CDC73: variants seen among roughly 807,000 people sequenced by gnomAD.
The protein encoded by CDC73 is cell division cycle 73, also known as parafibromin.
A neutral mutation model predicts 83.7 loss-of-function variants in CDC73; 21 were observed. The ratio of observed to expected loss-of-function variants is 0.25; its 90% CI spans 0.18 to 0.36. The LOEUF is 0.36. Among genes scored for constraint, CDC73 ranks in the 10% least tolerant of loss-of-function variants. The pLI is 1.00. For missense variants in CDC73, 342 were observed against 653.3 expected (o/e 0.52, Z 5.19); for synonymous variants, 224 against 212.9 (o/e 1.05, Z -0.45).
At chr1:193,221,127 C>G (rs1397134784) in intron 13 of CDC73, among the ~76,000 whole-genome samples, 1 of 151,706 alleles carries the variant, frequency 6.6e-6, no homozygotes, top group East Asian at 1.9e-4. Flanking sequence ...CAGTGTTAGC[C>G]AAATAATGAG....
In CDC73 at chr1:193,150,291, A is replaced by C. The variant is rs760909144; in HGVS notation, c.829-13A>C. The C allele has an allele frequency of 5.1e-6, 8 of 1,570,060 alleles. No homozygotes were observed. Among genetic ancestry groups the C allele is most frequent in the Admixed American group, 1.7e-5 (1 of 59,950 alleles). ...AAATATTAACAAGTAACTCATAATT[A>C]ATTTTTTTACAGGATCCCACTTTGC... On this transcript the variant is annotated splice_polypyrimidine_tract_variant and intron_variant, in intron 8 of 16. Transcript: ENST00000367435.
chr1:193,240,074 A>T (rs1278393952), intron 15 of CDC73, among the ~76,000 whole-genome samples: 1 of 152,082 alleles, frequency 6.6e-6, no homozygotes, highest in Non-Finnish European at 1.5e-5. Flanking sequence ...CATGAGATCA[A>T]CTTTTAACGT....
At chr1:193,219,378 A>G (rs551868908) in intron 13 of CDC73, among the ~76,000 whole-genome samples, 34 of 152,332 alleles carry the variant, frequency 2.2e-4, no homozygotes, top group African/African-American at 7.7e-4. Flanking sequence ...TGACCCAGCA[A>G]TCTGATTACT....
chr1:193,241,465 A>G (rs1023707917), intron 15 of CDC73, among the ~76,000 whole-genome samples: 1 of 152,220 alleles, frequency 6.6e-6, no homozygotes, highest in Admixed American at 6.5e-5. Flanking sequence ...AAGTCCAGAC[A>G]TCATCTTGGG....
rs535201389 is a variant in CDC73, at chr1:193,150,393, T to C, written c.907+11T>C. ...TCAAAGGAAAAGAAGGCAAGTTGCT[T>C]AATTCTTATCTTCCCCTTAGTGTGG... On this transcript the variant is annotated intron_variant, in intron 9 of 16. Transcript: ENST00000367435. 1.9e-6 allele frequency: 3 copies of C among 1,563,650 alleles called. No homozygotes were observed. In the African/African-American group the frequency reaches 4.1e-5, roughly 21 times the overall value.
intron 6 of CDC73, among the ~76,000 whole-genome samples, chr1:193,140,418 C>T (rs137984552): frequency 6.6e-6 from 1 of 152,248 alleles, no homozygotes; most frequent in Non-Finnish European, 1.5e-5. Context: ...GGATATGTTC[C>T]AAGACCTCCA....
rs1202715444 is a variant in CDC73 at position 193,210,314 on chromosome 1, AGT to A, written c.1031-1743_1031-1742del. The stretch of plus-strand genomic sequence containing the variant: ...CTTTTTAAATAGAACATTTTCTGAA[AGT>A]GTGTGTGCTGTGTTATTCACTTTAA... On this transcript the variant is annotated intron_variant, in intron 11 of 16. Coordinates refer to ENST00000367435, the MANE Select transcript of CDC73 (RefSeq NM_024529.5). Among the ~76,000 whole-genome samples, 23 of 152,308 alleles carry A rather than the reference AGT, an allele frequency of 1.5e-4. No homozygotes were observed. In the South Asian group the frequency reaches 2.9e-3, roughly 19 times the overall value.
intron 13 of CDC73, among the ~76,000 whole-genome samples, chr1:193,225,860 T>G (rs909720656): frequency 2.6e-5 from 4 of 152,162 alleles, no homozygotes; most frequent in African/African-American, 9.7e-5. Flanking sequence ...GAGTTGACTG[T>G]TTACTCTGCT....
chr1:193,158,197 G>T (rs555421712), intron 10 of CDC73, among the ~76,000 whole-genome samples: 13 of 151,762 alleles, frequency 8.6e-5, no homozygotes, highest in African/African-American at 3.1e-4. Flanking sequence ...CAAGTAATTG[G>T]GGTGTTTTTG....
intron 15 of CDC73, among the ~76,000 whole-genome samples, chr1:193,245,285 C>G (rs910961355): frequency 6.6e-6 from 1 of 152,184 alleles, no homozygotes; most frequent in Admixed American, 6.5e-5. Flanking sequence ...ACCCCCTACT[C>G]TTCCCAGCCA....
chr1:193,213,685 A>G (rs78992213), intron 13 of CDC73, among the ~76,000 whole-genome samples: 2,134 of 152,318 alleles, frequency 0.014, 51 homozygotes, highest in African/African-American at 0.048. Context: ...TGTTACATAC[A>G]TACCTGATTA....
chr1:193,250,806 A>G lies in CDC73; in HGVS notation c.*94A>G, dbSNP rs547969893. 2.7e-6 allele frequency: 3 copies of G among 1,107,546 alleles called. No homozygotes were observed. The highest frequency in any genetic ancestry group is 2.5e-5 in the South Asian group (2 of 78,524). 68.6% of individuals were successfully genotyped at this position (1,107,546 alleles called of 1,614,324 possible). A position where few individuals can be genotyped will look rare whatever the true frequency, so the allele number is the denominator to read the frequency against. ...GAAGAAGGTCACAGATTGATCTTTT[A>G]TAAGACCTTATTTGATGCTTTGTGC... is the stretch of plus-strand genomic sequence containing the variant. On this transcript the variant is annotated 3_prime_UTR_variant, in exon 17 of 17. Transcript: ENST00000367435.
chr1:193,198,493 C>G (rs1021410094), intron 10 of CDC73, among the ~76,000 whole-genome samples: 4 of 152,216 alleles, frequency 2.6e-5, no homozygotes, highest in African/African-American at 9.7e-5. Context: ...ATTTTGGAAG[C>G]AGAGAGACAC....
intron 10 of CDC73, among the ~76,000 whole-genome samples, chr1:193,189,694 C>T (rs535788884): frequency 6.6e-6 from 1 of 152,222 alleles, no homozygotes; most frequent in South Asian, 2.1e-4. Context: ...GTATAGACTT[C>T]AAGGAGTCAG....
intron 13 of CDC73, among the ~76,000 whole-genome samples, chr1:193,212,815 T>G (rs1239324618): frequency 6.6e-6 from 1 of 152,148 alleles, no homozygotes; most frequent in Non-Finnish European, 1.5e-5. Context: ...ATATTAGATG[T>G]TATACCCTAG....
intron 9 of CDC73, among the ~76,000 whole-genome samples, 181 bp downstream of exon 9, chr1:193,150,563 T>C (rs968763236): frequency 1.3e-3 from 198 of 152,308 alleles, no homozygotes; most frequent in African/African-American, 4.7e-3. Context: ...ATTTATGTAT[T>C]TTATATATGG....
Position 193,251,865 on chromosome 1 carries a change from G to A in CDC73, c.*1153G>A, listed in dbSNP as rs1171294943. The A allele has an allele frequency of 4.3e-6, 1 of 230,500 alleles. No homozygotes were observed. The highest frequency in any genetic ancestry group is 8.6e-6 in the Non-Finnish European group (1 of 116,800). 14.3% of individuals were successfully genotyped at this position (230,500 alleles called of 1,614,324 possible). On this transcript the variant is annotated 3_prime_UTR_variant, in exon 17 of 17. Transcript: ENST00000367435. ...CTTTGTTTTTTTTTTTTCCTTAAAGGCAACTAGGAAGCTTTACTTTCCTAA... is the reference window on the plus strand; with the variant it reads ...CTTTGTTTTTTTTTTTTCCTTAAAGACAACTAGGAAGCTTTACTTTCCTAA...
intron 13 of CDC73, among the ~76,000 whole-genome samples, chr1:193,230,457 A>ATTTT (rs752027731): frequency 5.5e-5 from 5 of 90,718 alleles, no homozygotes; most frequent in African/African-American, 1.5e-4. Flanking sequence ...CTAATCCCGT[A>ATTTT]TTTTTTTTTT....
chr1:193,125,167 C>A lies in CDC73; in HGVS notation c.187C>A (p.Leu63Ile). The A allele has an allele frequency of 6.2e-7, 1 of 1,611,184 alleles. No homozygotes were observed. The highest frequency in any genetic ancestry group is 8.5e-7 in the Non-Finnish European group (1 of 1,177,266). The part of the protein sequence containing the change: ...EYYTLDSILF[L>I]LNNVHLSHPV... ...CTACACATTGGATTCCATTTTATTT[C>A]TACTTAATAACGTGCACCTTTCTCA... Residue 63 changes from leucine to isoleucine, a missense_variant, in exon 2 of 17, where the codon CTA becomes ATA. This residue lies in a region of CDC73 where 99 missense variants were observed against 174.5 expected (regional missense o/e 0.57). Transcript: ENST00000367435.
Sources: gnomAD v4.1 joint callset for allele counts (sites outside exome capture counted in the v4.1 genomes callset) on GRCh38, gnomAD v4.1.1 for gene constraint, gnomAD v4.1.1 regional missense constraint, MANE v1.5 for transcripts, NCBI Gene and HGNC (gene_info 2026-07-23, HGNC 2026-07-21) for gene names.